SLC8A2: variants seen among roughly 807,000 people sequenced by gnomAD.
SLC8A2 encodes the protein sodium/calcium exchanger 2.
SLC8A2 carries 14 observed loss-of-function variants against 70.2 expected under a neutral mutation model. The observed-to-expected ratio is 0.20, with a 90% CI of 0.13 to 0.31. The LOEUF (loss-of-function observed/expected upper bound fraction) is 0.31. Ranked by LOEUF, SLC8A2 falls within the 10% of genes least tolerant of loss-of-function variation. The pLI is 1.00. For synonymous variants in SLC8A2, 575 were observed against 594.3 expected, an observed-to-expected ratio of 0.97 and a Z score of 0.47; for missense variants, 779 against 1,320.1, an observed-to-expected ratio of 0.59 and a Z score of 6.35.
intron 8 of SLC8A2, among the ~76,000 whole-genome samples, chr19:47,433,558 ACAGATGTG>A (rs1489097266): frequency 6.6e-6 from 1 of 152,178 alleles, no homozygotes; most frequent in African/African-American, 2.4e-5. Flanking sequence ...GCATTGGGTT[ACAGATGTG>A]TTTTCTGAGC....
At chr19:47,444,217 C>G (rs1210584643) in intron 4 of SLC8A2, among the ~76,000 whole-genome samples, 1 of 152,068 alleles carries the variant, frequency 6.6e-6, no homozygotes, top group Non-Finnish European at 1.5e-5. Flanking sequence ...CTGGATTCTT[C>G]TCTCCCTGTC....
At chr19:47,455,123 G>A (rs1264544242) in intron 3 of SLC8A2, among the ~76,000 whole-genome samples, 15 of 151,940 alleles carry the variant, frequency 9.9e-5, no homozygotes, top group Admixed American at 9.9e-4. Flanking sequence ...AGAGAGTAGA[G>A]GAGAGAGAGG....
intron 3 of SLC8A2, among the ~76,000 whole-genome samples, chr19:47,450,968 T>TA (rs1356193319): frequency 6.6e-6 from 1 of 151,212 alleles, no homozygotes; most frequent in African/African-American, 2.4e-5. Context: ...ATGTAAGGGA[T>TA]AAAGGGATCA....
intron 2 of SLC8A2, among the ~76,000 whole-genome samples, chr19:47,459,033 C>T (rs1967354829): frequency 6.7e-6 from 1 of 149,180 alleles, no homozygotes; most frequent in Non-Finnish European, 1.5e-5. Context: ...CGTTCCTCTC[C>T]ATCTCTGTCT....
Position 47,433,880 on chromosome 19 carries a change from C to A in SLC8A2, c.2111-1435G>T, listed in dbSNP as rs150715357. Among the ~76,000 whole-genome samples the A allele has an allele frequency of 1.6e-3, 247 of 152,286 alleles. 1 individual carries two copies. Among genetic ancestry groups the A allele is most frequent in the African/African-American group, 5.6e-3 (231 of 41,558 alleles). On this transcript the variant is annotated intron_variant, in intron 8 of 9. Coordinates refer to ENST00000236877, the MANE Select transcript of SLC8A2 (RefSeq NM_015063.3). The stretch of plus-strand genomic sequence containing the variant: ...GCTGGTCTTAAACTCCTGGCCTCAA[C>A]TGATCTGCCCTCCTAGGCCTCCCAA...
intron 1 of SLC8A2, among the ~76,000 whole-genome samples, chr19:47,470,352 C>T (rs544954391): frequency 3.3e-4 from 38 of 113,600 alleles, no homozygotes; most frequent in Non-Finnish European, 4.3e-4. Context: ...ACATCATACA[C>T]ACACACACAC....
chr19:47,446,379 C>G (rs1967162810), intron 4 of SLC8A2, among the ~76,000 whole-genome samples: 1 of 152,158 alleles, frequency 6.6e-6, no homozygotes, highest in East Asian at 1.9e-4. Context: ...TGAGAACAGC[C>G]CTGACTTAAT....
At position 47,465,864 on chromosome 19, in the gene SLC8A2, G is replaced by A. The variant is rs1317647384; in HGVS notation, c.540C>T (p.Cys180=). 3 of 1,614,182 alleles carry A rather than the reference G, an allele frequency of 1.9e-6. No individual in the cohort carries two copies. Among genetic ancestry groups the A allele is most frequent in the Non-Finnish European group, 1.7e-6 (2 of 1,180,030 alleles). The change falls in exon 2 of 10, where the codon TGC becomes TGT. Residue 180 remains cysteine (C), a synonymous_variant. Transcript: ENST00000236877. This position sits in a 1 kb window ranked among gnomAD's most constrained non-coding sequence, Gnocchi z 5.5. ...TCTCGCCGGCTGGGATGACGTAGAT[G>A]CACACGGCGATGACCACAAACATGT... The part of the protein sequence containing the change: ...AFNMFVVIAV[C]IYVIPAGESR...
intron 2 of SLC8A2, among the ~76,000 whole-genome samples, chr19:47,458,858 A>C (rs1967351531): frequency 2.4e-5 from 3 of 124,850 alleles, no homozygotes; most frequent in Admixed American, 8.4e-5. Flanking sequence ...CTTAGTTTCT[A>C]TTTCCCTCTT....
chr19:47,441,184 G>C lies in SLC8A2; in HGVS notation c.1870C>G (p.Leu624Val), dbSNP rs1335754339. ...PQWLKRGISA[L>V]LLNQGDGDRK... ...CTTCACTCACCTTGATTGAGTAGCA[G>C]AGCTGGGGAGAGACAGAGACAGGCA... is the stretch of plus-strand genomic sequence containing the variant. The change falls in exon 6 of 10, where the codon CTG becomes GTG. Residue 624 changes from leucine (L) to valine (V), a missense_variant and splice_region_variant. By Grantham distance (32) the Leu-to-Val change is conservative. Around this residue, in one of 6 missense-constraint regions of SLC8A2, gnomAD observed 247 missense variants for 362.8 expected, o/e 0.68. Coordinates refer to ENST00000236877, the MANE Select transcript of SLC8A2 (RefSeq NM_015063.3). 1 of 1,614,028 alleles carries C rather than the reference G, an allele frequency of 6.2e-7. No individual in the cohort carries two copies. Among genetic ancestry groups the C allele is most frequent in the East Asian group, 2.2e-5 (1 of 44,872 alleles).
At chr19:47,435,161 T>C (rs1372477061) in intron 8 of SLC8A2, among the ~76,000 whole-genome samples, 1 of 147,532 alleles carries the variant, frequency 6.8e-6, no homozygotes, top group Non-Finnish European at 1.5e-5. Flanking sequence ...GAGGCTGCAG[T>C]GAGCCGAGAT....
At position 47,437,557 on chromosome 19, in the gene SLC8A2, G is replaced by A. The variant is rs1017202541; in HGVS notation, c.2015C>T (p.Thr672Met). 1.9e-6 allele frequency: 3 copies of A among 1,611,358 alleles called. No homozygotes were observed. Among genetic ancestry groups the A allele is most frequent in the South Asian group, 1.1e-5 (1 of 91,034 alleles). Residue 672 changes from threonine to methionine, a missense_variant, in exon 8 of 10, where the codon ACG becomes ATG. Around this residue, in one of 6 missense-constraint regions of SLC8A2, gnomAD observed 247 missense variants for 362.8 expected, o/e 0.68. Transcript: ENST00000236877. Reference protein sequence around the residue: ...IIEESYDFKNTVDKLIKKTNL... With the variant: ...IIEESYDFKNMVDKLIKKTNL... ...CGTTTTCTTGATGAGTTTATCCACC[G>A]TGTTCTGGGGATGAGAGGGTGGGGG...
chr19:47,455,004 T>G (rs1967287100), intron 3 of SLC8A2, among the ~76,000 whole-genome samples: 1 of 152,066 alleles, frequency 6.6e-6, no homozygotes, highest in Non-Finnish European at 1.5e-5. Context: ...GGAGAATCAT[T>G]TGAACCTGGA....
At position 47,438,750 on chromosome 19, in the gene SLC8A2, C is replaced by T. The variant is rs180752182; in HGVS notation, c.1886-777G>A. Among the ~76,000 whole-genome samples, 550 of 152,254 alleles carry T rather than the reference C, an allele frequency of 3.6e-3. 3 individuals are homozygous for T. Among genetic ancestry groups the T allele is most frequent in the Non-Finnish European group, 5.5e-3 (372 of 68,020 alleles). On this transcript the variant is annotated intron_variant, in intron 6 of 9. Coordinates refer to ENST00000236877, the MANE Select transcript of SLC8A2 (RefSeq NM_015063.3). ...CCTCAGCACAACCCTAGCCCTAAACCCTAATCCCGACTCTAACATTCACCA... is the reference window on the plus strand; with the variant it reads ...CCTCAGCACAACCCTAGCCCTAAACTCTAATCCCGACTCTAACATTCACCA...
chr19:47,434,256 G>T (rs897866572), intron 8 of SLC8A2, among the ~76,000 whole-genome samples: 2 of 152,120 alleles, frequency 1.3e-5, no homozygotes, highest in African/African-American at 4.8e-5. Context: ...ATCCTTCCTT[G>T]GTTCTTGTAC....
At chr19:47,452,443 AGAGTGTGTGTGTGTGTGTGTGTGT>A (rs1967254353) in intron 3 of SLC8A2, among the ~76,000 whole-genome samples, 1 of 55,728 alleles carries the variant, frequency 1.8e-5, no homozygotes. Context: ...AGAGAGAGAG[AGAGTGTGTGTGTGTGTGTGTGTGT>A]GTGTGTGTGT....
intron 6 of SLC8A2, 149 bp from the exon 7 acceptor site, chr19:47,438,122 C>T: frequency 1.1e-6 from 1 of 890,110 alleles, no homozygotes; most frequent in Non-Finnish European, 1.7e-6. Flanking sequence ...TCCCACCTGA[C>T]CACCGTCTCC....
At position 47,432,138 on chromosome 19, in the gene SLC8A2, T is replaced by C. The variant is rs1281059111; in HGVS notation, c.2389+29A>G. Reference sequence around the variant, plus strand: ...CCCCTGCCTGGCTCATCTGAGATCCTACCCCACCAAAGTCTCCCAGGGTGT... The same window carrying C: ...CCCCTGCCTGGCTCATCTGAGATCCCACCCCACCAAAGTCTCCCAGGGTGT... On this transcript the variant is annotated intron_variant, in intron 9 of 9. Coordinates refer to ENST00000236877, the MANE Select transcript of SLC8A2 (RefSeq NM_015063.3). The surrounding 1 kb of genome is among the most constrained non-coding windows in gnomAD (Gnocchi z 6.2). 6.4e-7 allele frequency: 1 copy of C among 1,571,662 alleles called. No individual in the cohort carries two copies. Among genetic ancestry groups the C allele is most frequent in the Non-Finnish European group, 8.6e-7 (1 of 1,156,254 alleles).
At chr19:47,459,607 GTGTGTGCA>G (rs1380890215) in intron 2 of SLC8A2, among the ~76,000 whole-genome samples, 3 of 151,744 alleles carry the variant, frequency 2.0e-5, no homozygotes, top group Non-Finnish European at 2.9e-5. Flanking sequence ...GTGCGTGCTT[GTGTGTGCA>G]TGTGTGTATG....
Sources: gnomAD v4.1 joint callset for allele counts (sites outside exome capture counted in the v4.1 genomes callset) on GRCh38, gnomAD v4.1.1 for gene constraint, gnomAD v4.1.1 regional missense constraint, Gnocchi (gnomAD v3.1) non-coding constraint, MANE v1.5 for transcripts, NCBI Gene and HGNC (gene_info 2026-07-23, HGNC 2026-07-21) for gene names.